Variants in NAALADL2 observed in about 807,000 individuals in gnomAD.
The protein encoded by NAALADL2 is N-acetylated alpha-linked acidic dipeptidase like 2, also known as inactive N-acetylated-alpha-linked acidic dipeptidase-like protein 2.
In NAALADL2, 76 loss-of-function variants were observed where a neutral mutation model predicts 87.2. That is an observed-to-expected ratio of 0.87 (90% CI 0.72 to 1.05). NAALADL2 has a LOEUF of 1.05. Among genes scored for constraint, NAALADL2 ranks in the 50% least tolerant of loss-of-function variants. The probability of loss-of-function intolerance (pLI) is 0.00; values close to 1 mark genes in which losing one functional copy is unlikely to be tolerated. For missense variants in NAALADL2, 1,089 were observed against 945.8 expected (o/e 1.15, Z -1.99); for synonymous variants, 354 against 331.0 (o/e 1.07, Z -0.75).
chr3:175,373,575 T>C (rs1022923992), intron 5 of NAALADL2, among the ~76,000 whole-genome samples: 1 of 152,184 alleles, frequency 6.6e-6, no homozygotes, highest in Non-Finnish European at 1.5e-5. Flanking sequence ...CTAATTGTCA[T>C]TTGGACTGTT....
chr3:174,753,497 G>A (rs1047900089), intron 3 of NAALADL2, among the ~76,000 whole-genome samples: 3 of 152,164 alleles, frequency 2.0e-5, no homozygotes, highest in African/African-American at 7.2e-5. Flanking sequence ...TTACATTGGT[G>A]GCTTTAATTC....
At chr3:175,728,003 C>A (rs1258935635) in intron 11 of NAALADL2, among the ~76,000 whole-genome samples, 1 of 152,132 alleles carries the variant, frequency 6.6e-6, no homozygotes, top group Non-Finnish European at 1.5e-5. Context: ...GTATCTGAAG[C>A]TTCCTTTTTG....
intron 1 of NAALADL2, among the ~76,000 whole-genome samples, chr3:175,054,801 G>A (rs1225752965): frequency 6.6e-6 from 1 of 152,082 alleles, no homozygotes; most frequent in East Asian, 1.9e-4. Flanking sequence ...CCCATTTCAT[G>A]CATCATATGT....
intron 1 of NAALADL2, among the ~76,000 whole-genome samples, chr3:175,094,569 A>C (rs1580410274): frequency 6.6e-6 from 1 of 152,032 alleles, no homozygotes; most frequent in East Asian, 1.9e-4. Flanking sequence ...ATTTGACCAA[A>C]GACAGAATTC....
intron 2 of NAALADL2, among the ~76,000 whole-genome samples, chr3:175,231,289 T>A (rs1744900645): frequency 9.6e-6 from 1 of 103,770 alleles, no homozygotes; most frequent in African/African-American, 3.2e-5. Flanking sequence ...ATATTAGAGA[T>A]CTTCTTCTTC....
chr3:175,746,745 A>T (rs887336313), intron 12 of NAALADL2, among the ~76,000 whole-genome samples: 1 of 152,190 alleles, frequency 6.6e-6, no homozygotes, highest in African/African-American at 2.4e-5. Context: ...TGTTTGCTCA[A>T]ATTAATAGAG....
intron 11 of NAALADL2, among the ~76,000 whole-genome samples, chr3:175,646,004 T>C (rs988460867): frequency 3.3e-5 from 5 of 152,116 alleles, no homozygotes; most frequent in African/African-American, 1.2e-4. Context: ...CATGTGAAGA[T>C]AATCCAGTAT....
intron 5 of NAALADL2, among the ~76,000 whole-genome samples, chr3:175,423,028 A>AAAATATATAT (rs1438736874): frequency 9.0e-6 from 1 of 111,318 alleles, no homozygotes; most frequent in African/African-American, 4.1e-5. Context: ...GAAAAAAAAA[A>AAAATATATAT]ATATATATAT....
At chr3:175,039,133 AT>A (rs1226903788) in intron 1 of NAALADL2, among the ~76,000 whole-genome samples, 2 of 151,980 alleles carry the variant, frequency 1.3e-5, no homozygotes, top group African/African-American at 4.8e-5. Flanking sequence ...CTCCTGGTTT[AT>A]TTTTTATAAA....
intron 5 of NAALADL2, among the ~76,000 whole-genome samples, chr3:175,386,916 A>G (rs916939832): frequency 1.4e-4 from 21 of 152,124 alleles, no homozygotes; most frequent in African/African-American, 4.6e-4. Context: ...GATGCTGACA[A>G]TTTGGATATG....
chr3:174,477,645 G>A (rs1373439134), intron 1 of NAALADL2, among the ~76,000 whole-genome samples: 1 of 152,158 alleles, frequency 6.6e-6, no homozygotes, highest in Non-Finnish European at 1.5e-5. Flanking sequence ...TCATGCTTCT[G>A]GAGTAGGAAT....
chr3:175,086,286 A>T (rs569205937), intron 1 of NAALADL2, among the ~76,000 whole-genome samples: 4 of 152,304 alleles, frequency 2.6e-5, no homozygotes, highest in African/African-American at 9.6e-5. Flanking sequence ...TTATTTTATT[A>T]TTTTAAAATG....
At chr3:174,930,616 T>TTTTTTTTTTTTTTTG (rs1736728126) in intron 1 of NAALADL2, among the ~76,000 whole-genome samples, 1 of 97,096 alleles carries the variant, frequency 1.0e-5, no homozygotes, top group African/African-American at 4.0e-5. Flanking sequence ...AAGATGAACT[T>TTTTTTTTTTTTTTTG]TTTTTTTTTT....
chr3:174,971,982 G>A (rs774667163), intron 1 of NAALADL2, among the ~76,000 whole-genome samples: 1 of 152,138 alleles, frequency 6.6e-6, no homozygotes, highest in Non-Finnish European at 1.5e-5. Flanking sequence ...ACAGGCATGA[G>A]CCACCGCGTC....
chr3:175,289,747 G>A (rs1755420824), intron 4 of NAALADL2, among the ~76,000 whole-genome samples: 1 of 152,102 alleles, frequency 6.6e-6, no homozygotes, highest in Non-Finnish European at 1.5e-5. Flanking sequence ...GATCACTTGA[G>A]CCCAGGAGTT....
chr3:174,619,389 T>C (rs970469166), intron 2 of NAALADL2, among the ~76,000 whole-genome samples: 2 of 151,942 alleles, frequency 1.3e-5, no homozygotes, highest in Non-Finnish European at 2.9e-5. Context: ...TTGTAAAACA[T>C]GTTCTCTTCC....
chr3:174,628,593 A>G (rs934902649), intron 2 of NAALADL2, among the ~76,000 whole-genome samples: 3 of 152,118 alleles, frequency 2.0e-5, no homozygotes, highest in African/African-American at 7.2e-5. Flanking sequence ...GGATTTCCAA[A>G]TGTTTCTTGC....
At chr3:174,458,166 A>C (rs1715977422) in intron 1 of NAALADL2, among the ~76,000 whole-genome samples, 1 of 152,194 alleles carries the variant, frequency 6.6e-6, no homozygotes. Flanking sequence ...TTTAATTTAT[A>C]AAGTATTATT....
intron 4 of NAALADL2, among the ~76,000 whole-genome samples, chr3:175,292,254 C>G (rs1341477756): frequency 6.6e-6 from 1 of 152,094 alleles, no homozygotes; most frequent in Non-Finnish European, 1.5e-5. Flanking sequence ...AAAAGCAAAA[C>G]CCAGCAAATA....
Sources: gnomAD v4.1 joint callset for allele counts (sites outside exome capture counted in the v4.1 genomes callset) on GRCh38, gnomAD v4.1.1 for gene constraint, MANE v1.5 for transcripts, NCBI Gene and HGNC (gene_info 2026-07-23, HGNC 2026-07-21) for gene names.